Variants in DLGAP1 observed in about 807,000 individuals in gnomAD.
The protein encoded by DLGAP1 is disks large-associated protein 1.
DLGAP1 carries 11 observed loss-of-function variants against 90.8 expected under a neutral mutation model. The ratio of observed to expected loss-of-function variants is 0.12; its 90% confidence interval spans 0.08 to 0.20. The LOEUF (loss-of-function observed/expected upper bound fraction) is 0.20. DLGAP1 is among the 10% of genes least tolerant of loss of function. DLGAP1 has a pLI of 1.00. For missense variants in DLGAP1, 1,050 were observed against 1,333.8 expected (o/e 0.79, Z 3.31); for synonymous variants, 558 against 540.7 (o/e 1.03, Z -0.44).
chr18:3,978,353 T>C (rs2073645187), intron 3 of DLGAP1: 4 of 343,878 alleles, frequency 1.2e-5, no homozygotes, highest in Admixed American at 3.2e-5. Flanking sequence ...GCCAGCATCA[T>C]CTCATTTAAT....
chr18:4,159,530 CTT>C (rs1269526556), intron 1 of DLGAP1, among the ~76,000 whole-genome samples: 1 of 152,180 alleles, frequency 6.6e-6, no homozygotes, highest in East Asian at 1.9e-4. Flanking sequence ...TTTCTTCACT[CTT>C]TTCCTATTTA....
chr18:4,022,614 T>C (rs1017306631), intron 2 of DLGAP1, among the ~76,000 whole-genome samples: 5 of 152,320 alleles, frequency 3.3e-5, no homozygotes, highest in East Asian at 1.9e-4. Context: ...TATTCATACA[T>C]TGGTAAGTCT....
intron 9 of DLGAP1, among the ~76,000 whole-genome samples, chr18:3,552,902 T>C (rs2053554770): frequency 6.6e-6 from 1 of 152,346 alleles, no homozygotes; most frequent in South Asian, 2.1e-4. Flanking sequence ...CGATTCAGCT[T>C]TCTCTGGTCT....
At chr18:4,361,611 G>C (rs751540719) in intron 1 of DLGAP1, among the ~76,000 whole-genome samples, 1 of 152,096 alleles carries the variant, frequency 6.6e-6, no homozygotes, top group Non-Finnish European at 1.5e-5. Flanking sequence ...ATTCAAAATG[G>C]ATCAAAGATG....
chr18:3,821,288 CAA>C lies in DLGAP1; in HGVS notation c.958-7017_958-7016del, dbSNP rs56279066. Among the ~76,000 whole-genome samples, 452 of 72,724 alleles carry C rather than the reference CAA, an allele frequency of 6.2e-3. 1 individual carries two copies. The highest frequency in any genetic ancestry group is 0.016 in the East Asian group (32 of 2,052). 47.7% of individuals were successfully genotyped at this position (72,724 alleles called of 152,430 possible). The stretch of plus-strand genomic sequence containing the variant: ...TGGCCGACAGAGTGAGACTCTGTGT[CAA>C]AAAAAAAAAAAAAAAAAAAAAAAGA... On this transcript the variant is annotated intron_variant, in intron 4 of 12. Transcript: ENST00000315677.
intron 3 of DLGAP1, among the ~76,000 whole-genome samples, chr18:3,974,249 G>A (rs1442811411): frequency 6.6e-6 from 1 of 151,858 alleles, no homozygotes; most frequent in African/African-American, 2.4e-5. Context: ...TAATTTTTTT[G>A]TATTTTAGTA....
At chr18:4,171,784 T>A (rs2077030850) in intron 1 of DLGAP1, among the ~76,000 whole-genome samples, 2 of 152,104 alleles carry the variant, frequency 1.3e-5, no homozygotes, top group South Asian at 4.1e-4. Flanking sequence ...AATTACAAAA[T>A]ATGGTTATTA....
chr18:4,316,440 C>A (rs1431567354), intron 1 of DLGAP1, among the ~76,000 whole-genome samples: 2 of 152,180 alleles, frequency 1.3e-5, no homozygotes, highest in Admixed American at 6.5e-5. Context: ...GGTCGGGTGG[C>A]ACAGTTGTAG....
At chr18:3,949,966 G>A (rs1233865415) in intron 3 of DLGAP1, among the ~76,000 whole-genome samples, 1 of 152,152 alleles carries the variant, frequency 6.6e-6, no homozygotes, top group East Asian at 1.9e-4. Flanking sequence ...GTAGGTGCTA[G>A]GAAAAACATT....
chr18:4,190,609 T>C (rs748420149), intron 1 of DLGAP1, among the ~76,000 whole-genome samples: 9 of 152,076 alleles, frequency 5.9e-5, no homozygotes, highest in Non-Finnish European at 8.8e-5. Flanking sequence ...ATGGGAGAAA[T>C]TGTGTGCAGA....
At chr18:4,381,455 T>A (rs532638715) in intron 1 of DLGAP1, among the ~76,000 whole-genome samples, 1 of 152,282 alleles carries the variant, frequency 6.6e-6, no homozygotes, top group South Asian at 2.1e-4. Flanking sequence ...TCAAAAATAA[T>A]CTTCTGTGGA....
chr18:3,713,121 A>T lies in DLGAP1; in HGVS notation c.1591+16014T>A, dbSNP rs538127327. Among the ~76,000 whole-genome samples the T allele has an allele frequency of 3.3e-5, 5 of 152,308 alleles. No homozygotes were observed. In the South Asian group the frequency reaches 1.0e-3, roughly 32 times the overall value. On this transcript the variant is annotated intron_variant, in intron 7 of 12. Coordinates refer to ENST00000315677, the MANE Select transcript of DLGAP1 (RefSeq NM_004746.4). The stretch of plus-strand genomic sequence containing the variant: ...ATATACACAGGATAGACCCTGAACC[A>T]CCAACAAGTACAGCCTGGGTTCGTG...
At position 3,676,586 on chromosome 18, in the gene DLGAP1, A is replaced by G. The variant is rs113332205; in HGVS notation, c.1591+52549T>C. Among the ~76,000 whole-genome samples, 1,404 of 152,162 alleles carry G rather than the reference A, an allele frequency of 9.2e-3. 25 individuals carry two copies. The highest frequency in any genetic ancestry group is 0.031 in the African/African-American group (1,302 of 41,504). ...AAGGTCCTACAAAAACCCCTTTTAC[A>G]ATGAGCAACTTCCTTCTTTCACACC... On this transcript the variant is annotated intron_variant, in intron 7 of 12. Coordinates refer to ENST00000315677, the MANE Select transcript of DLGAP1 (RefSeq NM_004746.4).
At chr18:3,852,775 T>C (rs2069416672) in intron 4 of DLGAP1, among the ~76,000 whole-genome samples, 1 of 152,190 alleles carries the variant, frequency 6.6e-6, no homozygotes, top group African/African-American at 2.4e-5. Flanking sequence ...TATCCTTTAA[T>C]CTTTAAGCAC....
intron 2 of DLGAP1, among the ~76,000 whole-genome samples, chr18:4,126,264 G>C (rs1568410640): frequency 6.6e-6 from 1 of 152,188 alleles, no homozygotes; most frequent in Non-Finnish European, 1.5e-5. Flanking sequence ...TTGTCTCAGA[G>C]CTGATTTTAT....
At chr18:3,990,805 C>A (rs925477775) in intron 3 of DLGAP1, among the ~76,000 whole-genome samples, 1 of 151,854 alleles carries the variant, frequency 6.6e-6, no homozygotes, top group African/African-American at 2.4e-5. Flanking sequence ...TTGACCAAGA[C>A]AACATAGTAC....
chr18:4,010,942 G>A (rs1329419608), intron 2 of DLGAP1, among the ~76,000 whole-genome samples: 4 of 151,904 alleles, frequency 2.6e-5, no homozygotes, highest in African/African-American at 7.2e-5. Context: ...TTGGGAGGCC[G>A]AGGCGAGTAG....
intron 7 of DLGAP1, chr18:3,708,583 G>A: frequency 2.2e-6 from 1 of 454,830 alleles, no homozygotes; most frequent in Non-Finnish European, 4.4e-6. Context: ...GAAGGGTGGA[G>A]GATGAGGGAA....
chr18:3,800,870 T>C (rs1259408749), intron 5 of DLGAP1, among the ~76,000 whole-genome samples: 3 of 152,100 alleles, frequency 2.0e-5, no homozygotes, highest in Non-Finnish European at 4.4e-5. Flanking sequence ...TGACCTGTGG[T>C]ATTAGGCTGT....
Sources: allele counts gnomAD v4.1 joint callset (sites outside exome capture counted in the v4.1 genomes callset), GRCh38; gene constraint gnomAD v4.1.1; transcripts MANE v1.5; gene names NCBI Gene and HGNC (gene_info 2026-07-23, HGNC 2026-07-21).